SLCO4A1: variants seen among roughly 807,000 people sequenced by gnomAD.
SLCO4A1 encodes the protein solute carrier organic anion transporter family member 4A1, also known as colon organic anion transporter.
SLCO4A1 carries 51 observed loss-of-function variants against 64.6 expected under a neutral mutation model. The observed-to-expected ratio is 0.79, with a 90% confidence interval of 0.63 to 1.00. The LOEUF is 1.00. Among genes scored for constraint, SLCO4A1 ranks in the 50% least tolerant of loss-of-function variants. SLCO4A1 has a pLI of 0.00. For synonymous variants in SLCO4A1, 471 were observed against 444.9 expected (o/e 1.06, Z -0.74); for missense variants, 919 against 980.5 (o/e 0.94, Z 0.84).
chr20:62,656,593 G>T lies in SLCO4A1; in HGVS notation c.139G>T (p.Ala47Ser). The T allele has an allele frequency of 1.3e-6, 2 of 1,595,646 alleles. No homozygotes were observed. The highest frequency in any genetic ancestry group is 8.5e-7 in the Non-Finnish European group (1 of 1,173,864). The stretch of plus-strand genomic sequence containing the variant: ...CCTGAGCCCCGGCTCCCTCCGCTCC[G>T]CTGCCCATAGCCCCCTGGACACCAG... ...TPLSPGSLRSAAHSPLDTSKQ... is the reference protein window; with the variant it reads ...TPLSPGSLRSSAHSPLDTSKQ... The change falls in exon 2 of 12, where the codon GCT (alanine) becomes TCT (serine). Residue 47 changes from alanine to serine, a missense_variant. Transcript: ENST00000217159.
intron 5 of SLCO4A1, 64 bp from the exon 6 acceptor site, chr20:62,664,870 C>T (rs975237553): frequency 6.7e-7 from 1 of 1,481,764 alleles, no homozygotes; most frequent in Non-Finnish European, 9.1e-7. Flanking sequence ...CTCTTCTCCA[C>T]ACCCCGACCT....
At chr20:62,679,970 T>C (rs976572574) in intron 2 of SLCO4A1, among the ~76,000 whole-genome samples, 3 of 152,202 alleles carry the variant, frequency 2.0e-5, no homozygotes, top group Admixed American at 6.5e-5. Flanking sequence ...AACAGAGAGT[T>C]TCTAAGAATC....
In SLCO4A1 at chr20:62,645,548, G is replaced by A. The variant is rs903146815; in HGVS notation, c.-97+2995G>A. Reference sequence around the variant, plus strand: ...GCCTCACCCTCAGTCCTCAGACACTGGGGTCTCCGGCTGTCTCCAACCCTT... The same window carrying A: ...GCCTCACCCTCAGTCCTCAGACACTAGGGTCTCCGGCTGTCTCCAACCCTT... On this transcript the variant is annotated intron_variant, in intron 1 of 11. Transcript: ENST00000217159. The surrounding 1 kb of genome is among the most constrained non-coding windows in gnomAD (Gnocchi z 4.2). Among the ~76,000 whole-genome samples the A allele has an allele frequency of 1.3e-5, 2 of 150,788 alleles. No homozygotes were observed. The highest frequency in any genetic ancestry group is 4.9e-5 in the African/African-American group (2 of 41,026).
At chr20:62,683,954 G>A (rs1236362979) in intron 2 of SLCO4A1, among the ~76,000 whole-genome samples, 8 of 72,214 alleles carry the variant, frequency 1.1e-4, no homozygotes, top group East Asian at 9.2e-4. Flanking sequence ...ACACGCTCAC[G>A]CAACGATCTC....
intron 2 of SLCO4A1, among the ~76,000 whole-genome samples, chr20:62,680,973 C>T (rs767231052): frequency 8.4e-4 from 128 of 152,134 alleles, no homozygotes; most frequent in African/African-American, 2.8e-3. Flanking sequence ...GGCATGAACA[C>T]GCCTCACTGT....
At chr20:62,660,643 C>A in intron 4 of SLCO4A1, 110 bp downstream of exon 4, 1 of 1,268,658 alleles carries the variant, frequency 7.9e-7, no homozygotes, top group Non-Finnish European at 1.1e-6. Context: ...ATGATCAAGT[C>A]TGCGGCACAC....
chr20:62,654,187 C>T (rs1421645545), intron 1 of SLCO4A1, among the ~76,000 whole-genome samples: 1 of 152,190 alleles, frequency 6.6e-6, no homozygotes, highest in Non-Finnish European at 1.5e-5. Context: ...GCGCCACGCC[C>T]GTCTCTGTCT....
Position 62,672,227 on chromosome 20 carries a change from T to C in SLCO4A1, c.*334T>C, listed in dbSNP as rs4809464. ...CTGGGAGGGCGGTGGGCCTGCAGCC[T>C]GAGGAAGGCTTGTGTGTCCTCAGTT... On this transcript the variant is annotated 3_prime_UTR_variant, in exon 12 of 12. Transcript: ENST00000217159. The C allele has an allele frequency of 0.96, 1,204,071 of 1,258,950 alleles. 575,911 individuals carry two copies. The highest frequency in any genetic ancestry group is 1 in the East Asian group (23,635 of 23,638). The allele number at this position is 1,258,950 out of a possible 1,614,324, so 78.0% of individuals were successfully genotyped here.
At chr20:62,667,403 T>C (rs1052130254) in intron 7 of SLCO4A1, 3 of 259,262 alleles carry the variant, frequency 1.2e-5, no homozygotes, top group African/African-American at 2.2e-5. Flanking sequence ...AGGCTGCCTT[T>C]GTGTACTTGG....
chr20:62,689,034 C>A (rs964969233), downstream of SLCO4A1, among the ~76,000 whole-genome samples: 1 of 152,232 alleles, frequency 6.6e-6, no homozygotes, highest in Non-Finnish European at 1.5e-5. Flanking sequence ...GTCTTGGAGC[C>A]AGCAGGTGGC....
downstream of SLCO4A1, among the ~76,000 whole-genome samples, chr20:62,686,542 C>T (rs1184816558): frequency 6.6e-6 from 1 of 152,220 alleles, no homozygotes; most frequent in African/African-American, 2.4e-5. Flanking sequence ...TGTTTCTGAG[C>T]CCCCGAGGGC....
intron 2 of SLCO4A1, among the ~76,000 whole-genome samples, chr20:62,678,368 G>A (rs535511675): frequency 6.4e-4 from 97 of 152,224 alleles, no homozygotes; most frequent in Admixed American, 1.0e-3. Flanking sequence ...CTCACCCGTC[G>A]CCGGTAGACG....
intron 3 of SLCO4A1, among the ~76,000 whole-genome samples, chr20:62,659,917 A>G (rs1292557214): frequency 2.6e-5 from 4 of 152,350 alleles, no homozygotes; most frequent in African/African-American, 4.8e-5. Context: ...GCCTCAGCCC[A>G]TGGTTATTTT....
chr20:62,646,796 GTCT>G (rs1981416290), intron 1 of SLCO4A1, among the ~76,000 whole-genome samples: 2 of 152,256 alleles, frequency 1.3e-5, no homozygotes, highest in Non-Finnish European at 2.9e-5. Context: ...GCCAGCCTCC[GTCT>G]TCTTCTCAAA....
chr20:62,642,504 GA>G lies in SLCO4A1; in HGVS notation c.-145del. 4.2e-6 allele frequency: 1 copy of G among 235,734 alleles called. No individual in the cohort carries two copies. Among genetic ancestry groups the G allele is most frequent in the Non-Finnish European group, 8.5e-6 (1 of 117,010 alleles). 14.6% of individuals were successfully genotyped at this position (235,734 alleles called of 1,614,324 possible). The stretch of plus-strand genomic sequence containing the variant: ...CGGCGCGTGGCTGCCGGGGAGGCCA[GA>G]GCGTGGAGCGCTGCGCGGCGCGGCG... On this transcript the variant is annotated 5_prime_UTR_variant, in exon 1 of 12. Coordinates refer to ENST00000217159, the MANE Select transcript of SLCO4A1 (RefSeq NM_016354.4).
chr20:62,686,354 G>A (rs866627839), downstream of SLCO4A1, among the ~76,000 whole-genome samples: 121 of 152,246 alleles, frequency 7.9e-4, no homozygotes, highest in African/African-American at 2.7e-3. Context: ...ACCGCAGAGC[G>A]GCGTGGAGCT....
intron 1 of SLCO4A1, chr20:62,642,942 G>A (rs1337482367): frequency 6.5e-6 from 3 of 461,054 alleles, no homozygotes; most frequent in Non-Finnish European, 1.3e-5. Flanking sequence ...AGCGCGCGCA[G>A]GCGCAGGCCC....
At chr20:62,655,141 A>G (rs991123782) in intron 1 of SLCO4A1, among the ~76,000 whole-genome samples, 1 of 152,356 alleles carries the variant, frequency 6.6e-6, no homozygotes, top group South Asian at 2.1e-4. Flanking sequence ...CAGCCATAAC[A>G]GGAGGTGCCC....
intron 2 of SLCO4A1, among the ~76,000 whole-genome samples, chr20:62,683,366 G>A (rs1328606865): frequency 1.3e-5 from 2 of 152,118 alleles, no homozygotes; most frequent in Non-Finnish European, 2.9e-5. Flanking sequence ...TGGAGGTGGC[G>A]AGGACGGGCT....
Sources: gnomAD v4.1 joint callset for allele counts (sites outside exome capture counted in the v4.1 genomes callset) on GRCh38, gnomAD v4.1.1 for gene constraint, Gnocchi (gnomAD v3.1) non-coding constraint, MANE v1.5 for transcripts, NCBI Gene and HGNC (gene_info 2026-07-23, HGNC 2026-07-21) for gene names.